Variants in DPYSL3 observed in about 807,000 individuals in gnomAD.
The protein encoded by DPYSL3 is dihydropyrimidinase-related protein 3.
DPYSL3 carries 16 observed loss-of-function variants against 66.1 expected under a neutral mutation model. The observed-to-expected ratio is 0.24, with a 90% CI of 0.16 to 0.37. DPYSL3 has a LOEUF of 0.37. DPYSL3 is among the 10% of genes least tolerant of loss of function. The probability of loss-of-function intolerance (pLI) is 1.00; values close to 1 mark genes in which losing one functional copy is unlikely to be tolerated. For synonymous variants in DPYSL3, 338 were observed against 345.1 expected, an observed-to-expected ratio of 0.98 and a Z score of 0.23; for missense variants, 738 against 916.2, an observed-to-expected ratio of 0.81 and a Z score of 2.51.
Position 147,506,893 on chromosome 5 carries a change from C to T in DPYSL3, c.381+2585G>A, listed in dbSNP as rs1334645659. ...GAGCTATTTGCCAAATATTTCTAGTCTTACAGGATCATGGCAAGATTGTAT... is the reference window on the plus strand; with the variant it reads ...GAGCTATTTGCCAAATATTTCTAGTTTTACAGGATCATGGCAAGATTGTAT... On this transcript the variant is annotated intron_variant, in intron 1 of 13. Coordinates refer to ENST00000343218, the MANE Select transcript of DPYSL3 (RefSeq NM_001197294.2). 2.0e-5 allele frequency among the ~76,000 whole-genome samples: 3 copies of T among 152,166 alleles called. No individual in the cohort carries two copies. In the East Asian group the frequency reaches 5.8e-4, roughly 29 times the overall value.
intron 1 of DPYSL3, among the ~76,000 whole-genome samples, chr5:147,505,486 T>C (rs1753674843): frequency 6.6e-6 from 1 of 152,200 alleles, no homozygotes; most frequent in Admixed American, 6.5e-5. Context: ...TCTGCCCAGC[T>C]TGGCTTCTCA....
intron 6 of DPYSL3, 37 bp downstream of exon 6, chr5:147,412,571 G>A: frequency 1.9e-6 from 3 of 1,588,654 alleles, no homozygotes; most frequent in Non-Finnish European, 2.6e-6. Context: ...ATGGAATGCA[G>A]ACCCAAAGCA....
chr5:147,411,066 A>C (rs6891468), intron 6 of DPYSL3, among the ~76,000 whole-genome samples: 20,155 of 152,168 alleles, frequency 0.13, 3,727 homozygotes, highest in African/African-American at 0.41. Context: ...GTTTCCAGGG[A>C]AGCTGAAAGC....
intron 9 of DPYSL3, 72 bp from the exon 10 acceptor site, chr5:147,400,905 G>A: frequency 6.4e-7 from 1 of 1,559,570 alleles, no homozygotes; most frequent in Non-Finnish European, 8.7e-7. Context: ...AGAGTCTTGT[G>A]TTTACTGTGA....
In DPYSL3 at chr5:147,392,180, G is replaced by A. The variant is rs1757829254; in HGVS notation, c.*1855C>T. ...TCTGAAAGACCCCCACATCTTTGAAGTGTAAACTAAGAGCTACATTTTCCC... is the reference window on the plus strand; with the variant it reads ...TCTGAAAGACCCCCACATCTTTGAAATGTAAACTAAGAGCTACATTTTCCC... On this transcript the variant is annotated 3_prime_UTR_variant, in exon 14 of 14. Transcript: ENST00000343218. 6.6e-6 allele frequency: 1 copy of A among 152,236 alleles called. No individual in the cohort carries two copies. Among genetic ancestry groups the A allele is most frequent in the African/African-American group, 2.4e-5 (1 of 41,456 alleles). 9.4% of individuals were successfully genotyped at this position (152,236 alleles called of 1,614,324 possible). A position where few individuals can be genotyped will look rare whatever the true frequency, so the allele number is the denominator to read the frequency against.
Position 147,392,077 on chromosome 5 carries a change from A to G in DPYSL3, c.*1958T>C, listed in dbSNP as rs773577949. 7.9e-5 allele frequency: 12 copies of G among 152,216 alleles called. No individual in the cohort carries two copies. Among genetic ancestry groups the G allele is most frequent in the Admixed American group, 2.6e-4 (4 of 15,268 alleles). The allele number at this position is 152,216 out of a possible 1,614,324, so 9.4% of individuals were successfully genotyped here. A position where few individuals can be genotyped will look rare whatever the true frequency, so the allele number is the denominator to read the frequency against. ...TGGCTGGTACTGCAACCTATCCCAA[A>G]GTAACAGCCTAGTCAATGAGGTATA... On this transcript the variant is annotated 3_prime_UTR_variant, in exon 14 of 14. Transcript: ENST00000343218.
At chr5:147,400,048 T>C (rs983087930) in intron 10 of DPYSL3, among the ~76,000 whole-genome samples, 8 of 152,218 alleles carry the variant, frequency 5.3e-5, no homozygotes, top group African/African-American at 1.9e-4. Flanking sequence ...ATAACTTTGA[T>C]AAGAATGTTT....
intron 1 of DPYSL3, among the ~76,000 whole-genome samples, chr5:147,507,600 A>T (rs1196827332): frequency 5.3e-5 from 8 of 152,226 alleles, no homozygotes; most frequent in African/African-American, 1.9e-4. Flanking sequence ...TCAGAACTTG[A>T]TAACCTCCGT....
At chr5:147,404,825 T>C (rs2152018645) in intron 8 of DPYSL3, among the ~76,000 whole-genome samples, 1 of 152,260 alleles carries the variant, frequency 6.6e-6, no homozygotes, top group Middle Eastern at 3.4e-3. Context: ...GGAGACCCAC[T>C]CAACCCCTTC....
At chr5:147,434,432 T>C (rs1405684149) in intron 1 of DPYSL3, among the ~76,000 whole-genome samples, 1 of 152,198 alleles carries the variant, frequency 6.6e-6, no homozygotes, top group Non-Finnish European at 1.5e-5. Flanking sequence ...CCAGCTTCAA[T>C]CAAACAGGAT....
chr5:147,470,489 T>C (rs1394956413), intron 1 of DPYSL3, among the ~76,000 whole-genome samples: 3 of 152,176 alleles, frequency 2.0e-5, no homozygotes, highest in Admixed American at 2.0e-4. Context: ...TTTATCTCCT[T>C]CTTGTCTTTC....
At chr5:147,422,380 G>A (rs976514900) in intron 2 of DPYSL3, among the ~76,000 whole-genome samples, 1 of 152,194 alleles carries the variant, frequency 6.6e-6, no homozygotes, top group Admixed American at 6.5e-5. Flanking sequence ...TGGAGAAATA[G>A]GAATGCTTTT....
chr5:147,410,049 C>T (rs957005766), intron 6 of DPYSL3, among the ~76,000 whole-genome samples: 1 of 152,172 alleles, frequency 6.6e-6, no homozygotes, highest in African/African-American at 2.4e-5. Flanking sequence ...AAAGCACCTC[C>T]ACTTTTCATT....
At chr5:147,425,082 CAT>C (rs1283548298) in intron 1 of DPYSL3, 119 bp from the exon 2 acceptor site, 2 of 684,732 alleles carry the variant, frequency 2.9e-6, no homozygotes, top group Non-Finnish European at 5.0e-6. Context: ...TTACCAAAGA[CAT>C]ATGTGTGCTC....
chr5:147,484,509 T>A (rs926209509), intron 1 of DPYSL3, among the ~76,000 whole-genome samples: 3 of 152,224 alleles, frequency 2.0e-5, no homozygotes, highest in Non-Finnish European at 4.4e-5. Context: ...CTGGTTTTCA[T>A]GGAGCTTTTC....
intron 1 of DPYSL3, among the ~76,000 whole-genome samples, chr5:147,498,742 G>T (rs2048256324): frequency 6.6e-6 from 1 of 152,090 alleles, no homozygotes; most frequent in South Asian, 2.1e-4. Context: ...GTCTTCTTTT[G>T]AAAGTGTAAT....
intron 1 of DPYSL3, among the ~76,000 whole-genome samples, chr5:147,448,399 AAAC>A (rs1320469161): frequency 2.6e-5 from 4 of 152,242 alleles, no homozygotes; most frequent in African/African-American, 9.6e-5. Flanking sequence ...TAACGTAACT[AAAC>A]AACAACAAAA....
chr5:147,485,956 C>T (rs538258879), intron 1 of DPYSL3, among the ~76,000 whole-genome samples: 1 of 152,254 alleles, frequency 6.6e-6, no homozygotes, highest in South Asian at 2.1e-4. Flanking sequence ...AACCCAATGT[C>T]TATCAGCTGA....
chr5:147,435,223 C>T lies in DPYSL3; in HGVS notation c.382-10260G>A, dbSNP rs181308647. ...ATCTAAGGTAAATAGCTGATTTGTACACGTGGGTATGGCCAACGGCAATTA... is the reference window on the plus strand; with the variant it reads ...ATCTAAGGTAAATAGCTGATTTGTATACGTGGGTATGGCCAACGGCAATTA... On this transcript the variant is annotated intron_variant, in intron 1 of 13. Transcript: ENST00000343218. Among the ~76,000 whole-genome samples, 27 of 152,316 alleles carry T rather than the reference C, an allele frequency of 1.8e-4. No individual in the cohort carries two copies. The East Asian group carries it at 5.2e-3, about 29-fold the overall frequency.
Sources: allele counts gnomAD v4.1 joint callset (sites outside exome capture counted in the v4.1 genomes callset), GRCh38; gene constraint gnomAD v4.1.1; transcripts MANE v1.5; gene names NCBI Gene and HGNC (gene_info 2026-07-23, HGNC 2026-07-21).